The following ALDH1L1 variants were observed in gnomAD, a reference collection of about 807,000 sequenced individuals.
The protein encoded by ALDH1L1 is cytosolic 10-formyltetrahydrofolate dehydrogenase.
In ALDH1L1, 68 loss-of-function variants were observed where a neutral mutation model predicts 101.1. The observed-to-expected ratio is 0.67, with a 90% confidence interval of 0.55 to 0.82. The LOEUF is 0.82. ALDH1L1 is among the 40% of genes least tolerant of loss of function. The pLI is 0.00. For synonymous variants in ALDH1L1, 486 were observed against 470.8 expected (o/e 1.03, Z -0.42); for missense variants, 1,087 against 1,172.7 (o/e 0.93, Z 1.07).
chr3:126,105,697 A>G (rs1052806247), intron 22 of ALDH1L1, 29 bp downstream of exon 22: 2 of 1,613,274 alleles, frequency 1.2e-6, no homozygotes, highest in Non-Finnish European at 1.7e-6. Flanking sequence ...GAATAAATGA[A>G]AGCAACCCCA....
chr3:126,133,708 C>T (rs2080361049), intron 12 of ALDH1L1, among the ~76,000 whole-genome samples: 1 of 152,212 alleles, frequency 6.6e-6, no homozygotes, highest in South Asian at 2.1e-4. Flanking sequence ...GGTAGCAGTG[C>T]AGGAGAAGTG....
intron 1 of ALDH1L1, among the ~76,000 whole-genome samples, chr3:126,177,453 C>T (rs896827738): frequency 5.3e-5 from 8 of 152,052 alleles, no homozygotes; most frequent in African/African-American, 1.5e-4. Flanking sequence ...AGAAGCCAGT[C>T]TGGAAAGGCT....
intron 9 of ALDH1L1, among the ~76,000 whole-genome samples, chr3:126,138,827 C>G (rs2080507345): frequency 6.6e-6 from 1 of 152,222 alleles, no homozygotes; most frequent in Non-Finnish European, 1.5e-5. Flanking sequence ...GAACAAGAAG[C>G]TCCAAAAATG....
chr3:126,148,368 C>T (rs1465242662), intron 8 of ALDH1L1, among the ~76,000 whole-genome samples: 1 of 152,206 alleles, frequency 6.6e-6, no homozygotes, highest in Non-Finnish European at 1.5e-5. Flanking sequence ...GGGGTTGTGG[C>T]CCACTACCTG....
chr3:126,112,663 C>A (rs1946116045), intron 19 of ALDH1L1, 119 bp downstream of exon 19: 1 of 913,934 alleles, frequency 1.1e-6, no homozygotes. Flanking sequence ...GGGGGAGTGT[C>A]CTCCAGGAGG....
chr3:126,143,342 T>A (rs2080605215), intron 9 of ALDH1L1, among the ~76,000 whole-genome samples: 1 of 152,124 alleles, frequency 6.6e-6, no homozygotes, highest in Non-Finnish European at 1.5e-5. Context: ...GGGCAGTGCA[T>A]ACACCATGGA....
intron 14 of ALDH1L1, among the ~76,000 whole-genome samples, chr3:126,126,604 G>A (rs2080191470): frequency 6.6e-6 from 1 of 152,178 alleles, no homozygotes; most frequent in South Asian, 2.1e-4. Context: ...ACACCCAGGA[G>A]ATTGGGAGCA....
intron 1 of ALDH1L1, among the ~76,000 whole-genome samples, chr3:126,176,729 A>G (rs961208382): frequency 3.9e-5 from 6 of 152,228 alleles, no homozygotes; most frequent in Non-Finnish European, 4.4e-5. Context: ...ATTAGACCTT[A>G]TTAAAATTTA....
chr3:126,183,616 A>G (rs192214199), upstream of ALDH1L1, among the ~76,000 whole-genome samples: 1 of 152,192 alleles, frequency 6.6e-6, no homozygotes. Flanking sequence ...ATTGCCGTAC[A>G]CTAGTTACTC....
intron 2 of ALDH1L1, chr3:126,160,563 G>A (rs1204862170): frequency 2.6e-6 from 1 of 381,744 alleles, no homozygotes; most frequent in East Asian, 4.9e-5. Context: ...TGCTGGGTCA[G>A]AGAAGCTCTG....
intron 1 of ALDH1L1, among the ~76,000 whole-genome samples, chr3:126,178,746 T>TTGTGTGTGTG (rs112510826): frequency 6.7e-6 from 1 of 149,798 alleles, no homozygotes; most frequent in Non-Finnish European, 1.5e-5. Flanking sequence ...AGGCTTAAGT[T>TTGTGTGTGTG]TGTGTGTGTG....
intron 1 of ALDH1L1, among the ~76,000 whole-genome samples, chr3:126,190,727 G>T (rs1450173533): frequency 1.3e-5 from 2 of 152,198 alleles, no homozygotes; most frequent in Non-Finnish European, 2.9e-5. Context: ...ATGGCAGTTT[G>T]TGATGGTAAC....
At chr3:126,118,314 C>T (rs1439960462) in intron 16 of ALDH1L1, among the ~76,000 whole-genome samples, 2 of 152,160 alleles carry the variant, frequency 1.3e-5, no homozygotes. Context: ...ACCCTCATCC[C>T]CTGTACCTCT....
intron 8 of ALDH1L1, 46 bp from the exon 9 acceptor site, chr3:126,146,972 G>A: frequency 6.3e-7 from 1 of 1,578,162 alleles, no homozygotes; most frequent in African/African-American, 1.3e-5. Flanking sequence ...GGGAGCTGGG[G>A]ACAAGTGCCA....
chr3:126,108,557 C>T (rs537060649), intron 20 of ALDH1L1, among the ~76,000 whole-genome samples: 22 of 152,182 alleles, frequency 1.4e-4, no homozygotes, highest in African/African-American at 4.3e-4. Context: ...CACAGTCCAG[C>T]GGGAGTGGGA....
chr3:126,140,728 T>C (rs942509371), intron 9 of ALDH1L1, among the ~76,000 whole-genome samples: 12 of 152,172 alleles, frequency 7.9e-5, no homozygotes, highest in African/African-American at 2.6e-4. Flanking sequence ...AACTACCTTG[T>C]TATAAATTTA....
chr3:126,144,121 C>T (rs1197870609), intron 9 of ALDH1L1, among the ~76,000 whole-genome samples: 1 of 152,000 alleles, frequency 6.6e-6, no homozygotes, highest in East Asian at 1.9e-4. Flanking sequence ...TTTACAATGG[C>T]ATCAAAAGAA....
chr3:126,153,288 G>A (rs757052401), intron 7 of ALDH1L1, 156 bp downstream of exon 7: 114 of 1,147,836 alleles, frequency 9.9e-5, no homozygotes, highest in East Asian at 1.2e-4. Flanking sequence ...AGGACCAGCC[G>A]GGTGGTCAGG....
chr3:126,196,222 G>A (rs1276023246), intron 1 of ALDH1L1, among the ~76,000 whole-genome samples: 2 of 152,122 alleles, frequency 1.3e-5, no homozygotes, highest in Non-Finnish European at 2.9e-5. Flanking sequence ...AGTTTCTAGG[G>A]CCTAATATAA....
Sources: allele counts gnomAD v4.1 joint callset (sites outside exome capture counted in the v4.1 genomes callset), GRCh38; gene constraint gnomAD v4.1.1; transcripts MANE v1.5; gene names NCBI Gene and HGNC (gene_info 2026-07-23, HGNC 2026-07-21).